HMGN5: variants seen among roughly 807,000 people sequenced by gnomAD.
HMGN5 encodes the protein high mobility group nucleosome-binding domain-containing protein 5.
HMGN5 carries 4 observed loss-of-function variants against 9.5 expected under a neutral mutation model. The observed-to-expected ratio is 0.42, with a 90% CI of 0.21 to 0.96. HMGN5 has a LOEUF of 0.96. Ranked by LOEUF, HMGN5 falls within the 40% of genes least tolerant of loss-of-function variation. The probability of loss-of-function intolerance (pLI) is 0.30; values close to 1 mark genes in which losing one functional copy is unlikely to be tolerated. For synonymous variants in HMGN5, 55 were observed against 57.1 expected (o/e 0.96, Z 0.16); for missense variants, 192 against 187.5 (o/e 1.02, Z -0.14).
chrX:81,118,348 A>C (rs1000284967), intron 5 of HMGN5, 84 bp downstream of exon 5: 5 of 532,679 alleles, frequency 9.4e-6, no homozygotes, highest in East Asian at 3.7e-5. Flanking sequence ...TAAGCAAAGT[A>C]AAATGATCAG....
chrX:81,196,178 T>G (rs1467237700), intron 1 of HMGN5, among the ~76,000 whole-genome samples: 1 of 111,052 alleles, frequency 9.0e-6, no homozygotes, highest in Non-Finnish European at 1.9e-5. Context: ...GTGATTTACA[T>G]ATTTATGTGT....
chrX:81,178,815 A>G (rs906920545), intron 1 of HMGN5, among the ~76,000 whole-genome samples: 15 of 111,939 alleles, frequency 1.3e-4, no homozygotes, highest in African/African-American at 4.9e-4. Flanking sequence ...AAATACTGGC[A>G]AACTGAATCC....
At chrX:81,126,352 T>C (rs2075283497) in intron 1 of HMGN5, among the ~76,000 whole-genome samples, 1 of 111,176 alleles carries the variant, frequency 9.0e-6, no homozygotes, top group Admixed American at 9.6e-5. Flanking sequence ...ACTTCAGATA[T>C]ATCTTTTTAC....
rs552064400 is a variant in HMGN5, at chrX:81,157,157, G to A, written c.-123-35485C>T. Among the ~76,000 whole-genome samples, 25 of 111,670 alleles carry A rather than the reference G, an allele frequency of 2.2e-4. No homozygotes were observed. The South Asian group carries it at 9.0e-3, about 40-fold the overall frequency. ...ATTGCCTTGAAATCTGCCAGTGTGT[G>A]GGTATATGGGCAGCCAAGATCCCCC... On this transcript the variant is annotated intron_variant, in intron 1 of 6. Coordinates refer to ENST00000358130, the MANE Select transcript of HMGN5 (RefSeq NM_030763.3).
intron 1 of HMGN5, among the ~76,000 whole-genome samples, chrX:81,168,935 G>A (rs767085725): frequency 2.7e-5 from 3 of 111,201 alleles, no homozygotes; most frequent in South Asian, 7.7e-4. Context: ...CACTAAGCTA[G>A]AGAGAGAGTT....
intron 1 of HMGN5, among the ~76,000 whole-genome samples, chrX:81,176,741 A>G (rs1043064132): frequency 9.0e-6 from 1 of 111,644 alleles, no homozygotes; most frequent in Admixed American, 9.5e-5. Flanking sequence ...GAAAAAGAGT[A>G]AAAACAAACG....
chrX:81,134,573 T>C (rs1331070006), intron 1 of HMGN5, among the ~76,000 whole-genome samples: 1 of 111,322 alleles, frequency 9.0e-6, no homozygotes, highest in Non-Finnish European at 1.9e-5. Context: ...TGGTAGTCAC[T>C]TCACATTCTC....
chrX:81,195,988 G>A (rs1369681180), intron 1 of HMGN5, among the ~76,000 whole-genome samples: 1 of 111,015 alleles, frequency 9.0e-6, no homozygotes, highest in Non-Finnish European at 1.9e-5. Flanking sequence ...CTCTGGTAAG[G>A]AGTCAATGTT....
chrX:81,179,318 C>A (rs1321242727), intron 1 of HMGN5, among the ~76,000 whole-genome samples: 1 of 111,462 alleles, frequency 9.0e-6, no homozygotes. Context: ...GTTTCAGCCC[C>A]AAATCTCCTT....
intron 1 of HMGN5, among the ~76,000 whole-genome samples, chrX:81,122,232 T>C (rs975451895): frequency 1.7e-4 from 19 of 111,805 alleles, no homozygotes; most frequent in Non-Finnish European, 1.9e-4. Context: ...GGTGCCAAAA[T>C]GGCGTGTTTT....
Position 81,121,624 on chromosome X carries a change from A to G in HMGN5, c.-75T>C, listed in dbSNP as rs1464951269. 2.5e-6 allele frequency: 2 copies of G among 788,533 alleles called. No individual in the cohort carries two copies. 65.0% of individuals were successfully genotyped at this position (788,533 alleles called of 1,213,427 possible). A position where few individuals can be genotyped will look rare whatever the true frequency, so the allele number is the denominator to read the frequency against. ...GCAGTCACTGCCTGACTGCTCCAAG[A>G]GCAAATGAGTTTTCAATGAACTAAC... On this transcript the variant is annotated 5_prime_UTR_variant, in exon 2 of 7. Coordinates refer to ENST00000358130, the MANE Select transcript of HMGN5 (RefSeq NM_030763.3).
At chrX:81,170,119 G>A (rs2075421901) in intron 1 of HMGN5, among the ~76,000 whole-genome samples, 1 of 107,480 alleles carries the variant, frequency 9.3e-6, no homozygotes, top group Non-Finnish European at 1.9e-5. Context: ...ACAGTCATCA[G>A]TAGTGAGAGA....
At chrX:81,138,909 G>T (rs1168198240) in intron 1 of HMGN5, among the ~76,000 whole-genome samples, 1 of 111,274 alleles carries the variant, frequency 9.0e-6, no homozygotes, top group East Asian at 2.8e-4. Context: ...AAATATTTAG[G>T]TATATACTTA....
At chrX:81,185,266 A>T (rs756630912) in intron 1 of HMGN5, among the ~76,000 whole-genome samples, 1 of 111,341 alleles carries the variant, frequency 9.0e-6, no homozygotes, top group Admixed American at 9.5e-5. Context: ...TACCTTTCCA[A>T]TTTTTTCTTT....
At chrX:81,128,104 T>C (rs1039026392) in intron 1 of HMGN5, among the ~76,000 whole-genome samples, 1 of 110,855 alleles carries the variant, frequency 9.0e-6, no homozygotes, top group South Asian at 3.8e-4. Flanking sequence ...CATGGTGACA[T>C]TCTCACATTT....
intron 1 of HMGN5, among the ~76,000 whole-genome samples, chrX:81,126,214 G>A (rs1309476924): frequency 1.8e-5 from 2 of 108,310 alleles, no homozygotes; most frequent in Admixed American, 9.9e-5. Flanking sequence ...TTTTATCTAC[G>A]GTTGTGATAT....
intron 1 of HMGN5, among the ~76,000 whole-genome samples, chrX:81,195,959 C>A (rs2075506909): frequency 9.0e-6 from 1 of 111,352 alleles, no homozygotes; most frequent in Admixed American, 9.5e-5. Flanking sequence ...GACCTCTGAA[C>A]ACAATACTTC....
chrX:81,115,214 T>G lies in HMGN5; in HGVS notation c.284A>C (p.Lys95Thr), dbSNP rs757046141. ...AKITEAPASEKEIVEVKEENI... is the reference protein window; with the variant it reads ...AKITEAPASETEIVEVKEENI... The stretch of plus-strand genomic sequence containing the variant: ...TTCTTCTTTTACTTCCACAATTTCT[T>G]TTTCAGAAGCTGGTGCCTGTAAGTA... Residue 95 changes from lysine to threonine, a missense_variant, in exon 7 of 7, where the codon AAA becomes ACA. Coordinates refer to ENST00000358130, the MANE Select transcript of HMGN5 (RefSeq NM_030763.3). 1.8e-5 allele frequency: 21 copies of G among 1,174,921 alleles called. No homozygotes were observed. The South Asian group carries it at 4.0e-4, about 23-fold the overall frequency.
chrX:81,124,749 A>AT (rs1249091998), intron 1 of HMGN5, among the ~76,000 whole-genome samples: 1 of 111,505 alleles, frequency 9.0e-6, no homozygotes, highest in Non-Finnish European at 1.9e-5. Context: ...TTACTGGACT[A>AT]TTTTTTTCTA....
Sources: allele counts gnomAD v4.1 joint callset (sites outside exome capture counted in the v4.1 genomes callset), GRCh38; gene constraint gnomAD v4.1.1; transcripts MANE v1.5; gene names NCBI Gene and HGNC (gene_info 2026-07-23, HGNC 2026-07-21).